The following CACNA1C variants were observed in gnomAD, a reference collection of about 807,000 sequenced individuals.
CACNA1C encodes the protein calcium voltage-gated channel subunit alpha1 C.
CACNA1C carries 30 observed loss-of-function variants against 229.0 expected under a neutral mutation model. That is an observed-to-expected ratio of 0.13 (90% CI 0.10 to 0.18). CACNA1C has a LOEUF of 0.18. Among genes scored for constraint, CACNA1C ranks in the 10% least tolerant of loss-of-function variants. The pLI, the probability that CACNA1C is intolerant of heterozygous loss-of-function variation, is 1.00. For missense variants in CACNA1C, 1,658 were observed against 2,845.0 expected (o/e 0.58, Z 9.49); for synonymous variants, 1,114 against 1,132.5 (o/e 0.98, Z 0.33).
intron 1 of CACNA1C, among the ~76,000 whole-genome samples, chr12:2,111,640 C>T (rs2081812383): frequency 6.6e-6 from 1 of 152,016 alleles, no homozygotes; most frequent in Admixed American, 6.5e-5. Flanking sequence ...GGGGACAGGG[C>T]AGCTTTTATG....
At chr12:2,560,103 C>T (rs1378943642) in intron 11 of CACNA1C, among the ~76,000 whole-genome samples, 4 of 152,188 alleles carry the variant, frequency 2.6e-5, no homozygotes, top group Non-Finnish European at 5.9e-5. Flanking sequence ...ATGTTGCTAG[C>T]GGCTGCCACG....
At chr12:2,267,469 G>A (rs376523412) in intron 3 of CACNA1C, among the ~76,000 whole-genome samples, 1 of 152,236 alleles carries the variant, frequency 6.6e-6, no homozygotes, top group African/African-American at 2.4e-5. Context: ...GGCAGGACTG[G>A]GCAGGGAGGA....
chr12:2,574,597 A>G (rs1440159309), intron 13 of CACNA1C, among the ~76,000 whole-genome samples: 3 of 152,196 alleles, frequency 2.0e-5, no homozygotes, highest in Non-Finnish European at 4.4e-5. Flanking sequence ...TTGGCCACAT[A>G]TGGGCCCCAC....
chr12:2,432,763 C>G (rs917445298), intron 3 of CACNA1C, among the ~76,000 whole-genome samples: 10 of 152,210 alleles, frequency 6.6e-5, no homozygotes, highest in African/African-American at 2.4e-4. Flanking sequence ...GTCCTTCCCC[C>G]TCTTTGTGCT....
intron 3 of CACNA1C, among the ~76,000 whole-genome samples, chr12:2,324,592 G>A (rs563657600): frequency 6.6e-6 from 1 of 152,354 alleles, no homozygotes; most frequent in Admixed American, 6.5e-5. Flanking sequence ...GCTGGAGCAG[G>A]CATGCTGCCA....
chr12:2,004,453 G>C, intron 1 of CACNA1C: 17 of 1,594,810 alleles, frequency 1.1e-5, no homozygotes, highest in Non-Finnish European at 1.5e-5. Context: ...CCCAGACATA[G>C]GCACGGGGCT....
intron 1 of CACNA1C, among the ~76,000 whole-genome samples, chr12:1,972,989 G>A (rs1565786770): frequency 1.3e-5 from 2 of 152,200 alleles, no homozygotes; most frequent in Non-Finnish European, 2.9e-5. Context: ...GCGTTTGGCC[G>A]GCTCTGTGCG....
intron 3 of CACNA1C, among the ~76,000 whole-genome samples, chr12:2,433,385 G>A (rs114897333): frequency 0.016 from 2,368 of 152,238 alleles, 64 homozygotes; most frequent in African/African-American, 0.054. Context: ...AGGGAGGTTT[G>A]GCTAAGACAA....
At chr12:2,065,970 A>G (rs2059127405) in intron 1 of CACNA1C, among the ~76,000 whole-genome samples, 1 of 152,132 alleles carries the variant, frequency 6.6e-6, no homozygotes, top group African/African-American at 2.4e-5. Flanking sequence ...AAGAGTTTGC[A>G]TGGCATTTGG....
chr12:1,985,739 C>A (rs1328352779), intron 1 of CACNA1C, among the ~76,000 whole-genome samples: 2 of 152,198 alleles, frequency 1.3e-5, no homozygotes, highest in African/African-American at 2.4e-5. Context: ...AGAAAGCAAT[C>A]AATTCAGTTA....
At chr12:2,634,854 AC>A (rs1478972603) in intron 30 of CACNA1C, among the ~76,000 whole-genome samples, 1 of 151,992 alleles carries the variant, frequency 6.6e-6, no homozygotes, top group Non-Finnish European at 1.5e-5. Flanking sequence ...AAAGTGGAAC[AC>A]CCTGAGATAA....
chr12:2,100,042 C>T (rs563117775), intron 1 of CACNA1C, among the ~76,000 whole-genome samples: 2 of 152,340 alleles, frequency 1.3e-5, no homozygotes, highest in Non-Finnish European at 2.9e-5. Flanking sequence ...TTTCCAGGTC[C>T]ATGCCCCTGA....
intron 1 of CACNA1C, among the ~76,000 whole-genome samples, chr12:2,006,084 A>G (rs1439637767): frequency 1.3e-5 from 2 of 152,236 alleles, no homozygotes; most frequent in Non-Finnish European, 2.9e-5. Context: ...TAACTCACAT[A>G]AACAAAAGTT....
intron 43 of CACNA1C, among the ~76,000 whole-genome samples, chr12:2,684,715 G>T (rs1360792408): frequency 1.3e-5 from 2 of 152,192 alleles, no homozygotes; most frequent in Non-Finnish European, 2.9e-5. Flanking sequence ...CGCACAAGGT[G>T]AAATGGAAGC....
chr12:2,222,159 A>T (rs1347962066), intron 3 of CACNA1C: 4 of 152,230 alleles, frequency 2.6e-5, no homozygotes, highest in South Asian at 2.1e-4. Context: ...ATAAAAACTT[A>T]AAAAAAGCCC....
chr12:2,498,526 C>G (rs2099751831), intron 7 of CACNA1C, among the ~76,000 whole-genome samples: 1 of 152,228 alleles, frequency 6.6e-6, no homozygotes, highest in South Asian at 2.1e-4. Flanking sequence ...TTTAATTTAG[C>G]AAACATTTAT....
chr12:2,691,044 C>A lies in CACNA1C; in HGVS notation c.6262C>A (p.Gln2088Lys). ...ADNILSGGAPQSPNGALLPFV... is the reference protein window; with the variant it reads ...ADNILSGGAPKSPNGALLPFV... ...CAACATCCTCAGCGGGGGCGCCCCA[C>A]AGAGCCCCAATGGCGCCCTCTTACC... is the stretch of plus-strand genomic sequence containing the variant. Residue 2088 changes from glutamine (Q) to lysine (K), a missense_variant, in exon 47 of 47, where the codon CAG becomes AAG. This residue lies in a region of CACNA1C where 590 missense variants were observed against 700.8 expected (regional missense o/e 0.84). Transcript: ENST00000399655. 1 of 1,605,306 alleles carries A rather than the reference C, an allele frequency of 6.2e-7. No individual in the cohort carries two copies. Among genetic ancestry groups the A allele is most frequent in the Non-Finnish European group, 8.5e-7 (1 of 1,176,146 alleles).
chr12:2,163,041 A>T (rs1435845810), intron 3 of CACNA1C, among the ~76,000 whole-genome samples: 1 of 152,026 alleles, frequency 6.6e-6, no homozygotes, highest in African/African-American at 2.4e-5. Flanking sequence ...TCTACTAAAA[A>T]TACAAAATTA....
chr12:2,373,777 C>A (rs10466899), intron 3 of CACNA1C, among the ~76,000 whole-genome samples: 25 of 152,058 alleles, frequency 1.6e-4, no homozygotes, highest in African/African-American at 5.6e-4. Context: ...CCATTAGTGG[C>A]GATTAAAAAA....
Sources: allele counts gnomAD v4.1 joint callset (sites outside exome capture counted in the v4.1 genomes callset), GRCh38; gene constraint gnomAD v4.1.1; regional missense constraint gnomAD v4.1.1; transcripts MANE v1.5; gene names NCBI Gene and HGNC (gene_info 2026-07-23, HGNC 2026-07-21).